UTRN: variants seen among roughly 807,000 people sequenced by gnomAD.
UTRN encodes the protein dystrophin-related protein 1.
Under a neutral mutation model 463.9 loss-of-function variants are expected in UTRN, and 283 were observed. That is an observed-to-expected ratio of 0.61 (90% CI 0.55 to 0.67). UTRN has a LOEUF of 0.67. Among genes scored for constraint, UTRN ranks in the 30% least tolerant of loss-of-function variants. The probability of loss-of-function intolerance (pLI) is 0.00; values close to 1 mark genes in which losing one functional copy is unlikely to be tolerated. For missense variants in UTRN, 3,922 were observed against 4,084.3 expected (o/e 0.96, Z 1.08); for synonymous variants, 1,442 against 1,431.5 (o/e 1.01, Z -0.17).
intron 17 of UTRN, among the ~76,000 whole-genome samples, chr6:144,449,367 G>A (rs1274791418): frequency 6.6e-6 from 1 of 152,100 alleles, no homozygotes; most frequent in Non-Finnish European, 1.5e-5. Flanking sequence ...TCTTCCCCTG[G>A]TGCTGCTGTG....
intron 16 of UTRN, among the ~76,000 whole-genome samples, chr6:144,448,305 C>T (rs1787896012): frequency 6.6e-6 from 1 of 152,192 alleles, no homozygotes; most frequent in Admixed American, 6.5e-5. Context: ...ATTATATACG[C>T]TATGATTCCA....
chr6:144,325,514 A>G (rs1016424641), intron 2 of UTRN, among the ~76,000 whole-genome samples: 5 of 152,202 alleles, frequency 3.3e-5, no homozygotes, highest in African/African-American at 1.2e-4. Context: ...TTCATTATAA[A>G]TTACCCAGTC....
At chr6:144,568,772 A>T (rs912952253) in intron 50 of UTRN, among the ~76,000 whole-genome samples, 7 of 152,104 alleles carry the variant, frequency 4.6e-5, no homozygotes, top group Non-Finnish European at 2.9e-5. Flanking sequence ...TTTTAAAAGG[A>T]TCTCTGGAGA....
Position 144,748,310 on chromosome 6 carries a change from C to T in UTRN, c.8004C>T (p.Val2668=). 1 of 1,613,154 alleles carries T rather than the reference C, an allele frequency of 6.2e-7. No homozygotes were observed. Among genetic ancestry groups the T allele is most frequent in the Non-Finnish European group, 8.5e-7 (1 of 1,179,842 alleles). ...CCATGCGCAAACAGTCTTCTGAAGTCAAAGAAAAATGGGAAAGTCTAAATG... is the reference window on the plus strand; with the variant it reads ...CCATGCGCAAACAGTCTTCTGAAGTTAAAGAAAAATGGGAAAGTCTAAATG... ...AKAMRKQSSE[V]KEKWESLNAV... Residue 2668 remains valine (V), a synonymous_variant, in exon 55 of 75, where the codon GTC becomes GTT. Transcript: ENST00000367545.
rs10499230 is a variant in UTRN at position 144,539,753 on chromosome 6, C to T, written c.6519+310C>T. 0.16 allele frequency among the ~76,000 whole-genome samples: 24,429 copies of T among 151,872 alleles called. 2,219 individuals are homozygous for T. The highest frequency in any genetic ancestry group is 0.31 in the South Asian group (1,492 of 4,814). On this transcript the variant is annotated intron_variant, in intron 45 of 74. Coordinates refer to ENST00000367545, the MANE Select transcript of UTRN (RefSeq NM_007124.3). ...TCTGAAAATGAAGACCTTAAAATAGCATTCTGAGCCGGGTGTGTTGGCTCA... is the reference window on the plus strand; with the variant it reads ...TCTGAAAATGAAGACCTTAAAATAGTATTCTGAGCCGGGTGTGTTGGCTCA...
At position 144,485,443 on chromosome 6, in the gene UTRN, T is replaced by TA. The variant is rs746582078; in HGVS notation, c.3749dup (p.Asn1250LysfsTer15). The TA allele has an allele frequency of 6.2e-7, 1 of 1,614,202 alleles. No homozygotes were observed. The highest frequency in any genetic ancestry group is 8.5e-7 in the Non-Finnish European group (1 of 1,180,028). ...TATTTGGATCTTGAAACTACCTGGT[T>TA]AAACACTTTGGAAGAGCGGATGAAG... is the stretch of plus-strand genomic sequence containing the variant. On this transcript the variant is annotated frameshift_variant, in exon 28 of 75. Transcript: ENST00000367545. LOFTEE classifies it high-confidence loss of function.
intron 54 of UTRN, among the ~76,000 whole-genome samples, chr6:144,735,006 A>G (rs766879984): frequency 1.8e-4 from 28 of 152,124 alleles, no homozygotes; most frequent in Non-Finnish European, 3.4e-4. Context: ...TTAGAATACT[A>G]TCTGGCACAT....
intron 71 of UTRN, 82 bp downstream of exon 71, chr6:144,836,623 G>A: frequency 6.4e-7 from 1 of 1,554,074 alleles, no homozygotes; most frequent in Admixed American, 1.9e-5. Context: ...GGTGTCAGGA[G>A]AGGCAGAGAA....
rs1322965171 is a variant in UTRN at position 144,730,379 on chromosome 6, A to G, written c.7832A>G (p.Glu2611Gly). The G allele has an allele frequency of 6.2e-7, 1 of 1,607,792 alleles. No individual in the cohort carries two copies. The highest frequency in any genetic ancestry group is 1.1e-5 in the South Asian group (1 of 90,320). ...HCKALRRELKEKEYSVLNAVD... is the reference protein window; with the variant it reads ...HCKALRRELKGKEYSVLNAVD... ...AAGGCCCTGAGACGGGAGTTAAAGG[A>G]GAAAGAATATTCTGTCCTGAATGCT... is the stretch of plus-strand genomic sequence containing the variant. Residue 2611 changes from glutamate to glycine, a missense_variant, in exon 54 of 75, where the codon GAG becomes GGG. This residue lies in a region of UTRN where 1,309 missense variants were observed against 1,452.6 expected (regional missense o/e 0.90). Coordinates refer to ENST00000367545, the MANE Select transcript of UTRN (RefSeq NM_007124.3).
chr6:144,695,441 T>A (rs1184662812), intron 52 of UTRN, among the ~76,000 whole-genome samples: 1 of 151,938 alleles, frequency 6.6e-6, no homozygotes, highest in African/African-American at 2.4e-5. Context: ...CCTCCTGGGT[T>A]CAAGCGATTC....
At chr6:144,387,858 G>A (rs1781547900) in intron 2 of UTRN, among the ~76,000 whole-genome samples, 1 of 152,102 alleles carries the variant, frequency 6.6e-6, no homozygotes, top group Admixed American at 6.5e-5. Flanking sequence ...CTGTCTGCAT[G>A]TAAATACAGA....
chr6:144,729,989 G>T (rs1328159266), intron 53 of UTRN, among the ~76,000 whole-genome samples: 3 of 151,348 alleles, frequency 2.0e-5, no homozygotes, highest in Non-Finnish European at 4.4e-5. Flanking sequence ...TAATTTTTTT[G>T]TCAGTCAGTC....
chr6:144,852,827 C>A lies in UTRN; in HGVS notation c.*1830C>A, dbSNP rs1020052080. 2 of 152,520 alleles carry A rather than the reference C, an allele frequency of 1.3e-5. No homozygotes were observed. Among genetic ancestry groups the A allele is most frequent in the Non-Finnish European group, 2.9e-5 (2 of 67,996 alleles). The allele number at this position is 152,520 out of a possible 1,614,324, so 9.4% of individuals were successfully genotyped here. A position where few individuals can be genotyped will look rare whatever the true frequency, so the allele number is the denominator to read the frequency against. Reference sequence around the variant, plus strand: ...CTGCCTGTATTTGTATGCAAAATGTCCTCTATCTGCTATTAAAGAAAAGCT... The same window carrying A: ...CTGCCTGTATTTGTATGCAAAATGTACTCTATCTGCTATTAAAGAAAAGCT... On this transcript the variant is annotated 3_prime_UTR_variant, in exon 75 of 75. Transcript: ENST00000367545.
intron 55 of UTRN, among the ~76,000 whole-genome samples, chr6:144,750,360 CT>C (rs1287349054): frequency 6.6e-6 from 1 of 152,132 alleles, no homozygotes; most frequent in Admixed American, 6.6e-5. Flanking sequence ...TCTTCTTCTC[CT>C]TCCATACTGA....
intron 55 of UTRN, among the ~76,000 whole-genome samples, chr6:144,750,273 G>A (rs1157461481): frequency 6.8e-6 from 1 of 147,964 alleles, no homozygotes; most frequent in African/African-American, 2.5e-5. Context: ...TTGTATTTGT[G>A]TGTTTTTCTG....
chr6:144,397,957 C>T (rs75994244), intron 2 of UTRN: 3,066 of 193,350 alleles, frequency 0.016, 109 homozygotes, highest in African/African-American at 0.067. Context: ...ACCATTTCCA[C>T]CTCTCCTTGC....
chr6:144,451,094 A>G (rs1359723929), intron 17 of UTRN, among the ~76,000 whole-genome samples: 1 of 152,088 alleles, frequency 6.6e-6, no homozygotes, highest in Non-Finnish European at 1.5e-5. Flanking sequence ...CCTGGGTGAC[A>G]GGGCGAGACT....
At chr6:144,488,088 G>A (rs938019781) in intron 29 of UTRN, among the ~76,000 whole-genome samples, 2 of 152,092 alleles carry the variant, frequency 1.3e-5, no homozygotes, top group South Asian at 2.1e-4. Context: ...ATACATATTC[G>A]TATCACAAAT....
intron 45 of UTRN, among the ~76,000 whole-genome samples, chr6:144,541,908 A>G (rs1026629886): frequency 2.0e-5 from 3 of 152,138 alleles, no homozygotes; most frequent in Admixed American, 1.3e-4. Flanking sequence ...GTGGCAAATG[A>G]AAGTGTCTAG....
Sources: allele counts gnomAD v4.1 joint callset (sites outside exome capture counted in the v4.1 genomes callset), GRCh38; gene constraint gnomAD v4.1.1; regional missense constraint gnomAD v4.1.1; transcripts MANE v1.5; gene names NCBI Gene and HGNC (gene_info 2026-07-23, HGNC 2026-07-21).